The following TP53I11 variants were observed in gnomAD, a reference collection of about 807,000 sequenced individuals.
TP53I11 encodes the protein tumor protein p53-inducible protein 11.
In TP53I11, 9 loss-of-function variants were observed where a neutral mutation model predicts 23.3. The observed-to-expected ratio is 0.39, with a 90% CI of 0.23 to 0.67. The LOEUF (loss-of-function observed/expected upper bound fraction) is 0.67, where lower values mean the gene tolerates loss of function less well. TP53I11 is among the 30% of genes least tolerant of loss of function. The pLI, the probability that TP53I11 is intolerant of heterozygous loss-of-function variation, is 0.48. For missense variants in TP53I11, 170 were observed against 255.2 expected (o/e 0.67, Z 2.27); for synonymous variants, 100 against 106.1 (o/e 0.94, Z 0.35).
intron 3 of TP53I11, 91 bp from the exon 4 acceptor site, chr11:44,937,443 G>C (rs995799481): frequency 6.6e-7 from 1 of 1,507,704 alleles, no homozygotes. Context: ...TTTGGGGAAG[G>C]TAATGAGACA....
chr11:44,943,518 C>T (rs1203926676), intron 1 of TP53I11, among the ~76,000 whole-genome samples: 2 of 152,234 alleles, frequency 1.3e-5, no homozygotes, highest in African/African-American at 2.4e-5. Context: ...CCCACATTCC[C>T]GATCAGCCAG....
rs75542152 is a variant in TP53I11 at position 44,935,665 on chromosome 11, G to A, written c.335-3C>T. 6.6e-3 allele frequency: 10,610 copies of A among 1,608,110 alleles called. 570 individuals are homozygous for A. In the African/African-American group the frequency reaches 0.12, roughly 18 times the overall value. ...GTTCCACATGATCAGGGAGATGCCTGGGGCGGGGGATGAAAAGGGGGCTGG... is the reference window on the plus strand; with the variant it reads ...GTTCCACATGATCAGGGAGATGCCTAGGGCGGGGGATGAAAAGGGGGCTGG... On this transcript the variant is annotated splice_polypyrimidine_tract_variant and splice_region_variant and intron_variant, in intron 5 of 6. Transcript: ENST00000525680.
Position 44,937,536 on chromosome 11 carries a change from A to C in TP53I11, c.188+19T>G. On this transcript the variant is annotated intron_variant, in intron 3 of 6. Coordinates refer to ENST00000525680, the MANE Select transcript of TP53I11 (RefSeq NM_006034.5). ...GCCGCAGGCCTTCCCCTCCCCCAAA[A>C]AGTCAGGTAAATGCTCACCTGAGCC... is the stretch of plus-strand genomic sequence containing the variant. 5 of 1,613,182 alleles carry C rather than the reference A, an allele frequency of 3.1e-6. No homozygotes were observed. Among genetic ancestry groups the C allele is most frequent in the Non-Finnish European group, 4.2e-6 (5 of 1,179,530 alleles).
chr11:44,936,751 G>A lies in TP53I11; in HGVS notation c.334+52C>T. 7.5e-6 allele frequency: 11 copies of A among 1,464,202 alleles called. No individual in the cohort carries two copies. Among genetic ancestry groups the A allele is most frequent in the Non-Finnish European group, 9.9e-6 (11 of 1,106,572 alleles). The allele number at this position is 1,464,202 out of a possible 1,614,324, so 90.7% of individuals were successfully genotyped here. A position where few individuals can be genotyped will look rare whatever the true frequency, so the allele number is the denominator to read the frequency against. Reference sequence around the variant, plus strand: ...CCCCGTGCTCTCCTCAGCCCCGCTGGGTCTCCCAGCTGCCCGTCGCCTCCC... The same window carrying A: ...CCCCGTGCTCTCCTCAGCCCCGCTGAGTCTCCCAGCTGCCCGTCGCCTCCC... On this transcript the variant is annotated intron_variant, in intron 5 of 6. Transcript: ENST00000525680. The surrounding 1 kb of genome is among the most constrained non-coding windows in gnomAD (Gnocchi z 4.4).
intron 1 of TP53I11, among the ~76,000 whole-genome samples, chr11:44,945,504 G>A (rs780922513): frequency 5.9e-5 from 9 of 151,966 alleles, no homozygotes; most frequent in South Asian, 2.1e-4. Context: ...GTGGGGGGGC[G>A]TTTGGTGGAC....
intron 5 of TP53I11, 96 bp from the exon 6 acceptor site, chr11:44,935,758 C>CA: frequency 2.3e-6 from 2 of 854,472 alleles, no homozygotes; most frequent in East Asian, 5.3e-5. Flanking sequence ...GCCACTGCTG[C>CA]AAGACAGCTG....
chr11:44,948,489 G>T (rs979380902), intron 1 of TP53I11, among the ~76,000 whole-genome samples: 1 of 151,942 alleles, frequency 6.6e-6, no homozygotes, highest in Non-Finnish European at 1.5e-5. Flanking sequence ...ATGACAACCC[G>T]GTCCCTGGCC....
rs1337318021 is a variant in TP53I11, at chr11:44,933,622, A to C, written c.*1262T>G. 2 of 154,888 alleles carry C rather than the reference A, an allele frequency of 1.3e-5. No homozygotes were observed. Among genetic ancestry groups the C allele is most frequent in the Non-Finnish European group, 2.9e-5 (2 of 69,788 alleles). The allele number at this position is 154,888 out of a possible 1,614,324, so 9.6% of individuals were successfully genotyped here. On this transcript the variant is annotated 3_prime_UTR_variant, in exon 7 of 7. Transcript: ENST00000525680. Reference sequence around the variant, plus strand: ...GGGAGAAGCTGGGCGGTGGGTATGCAGCACAGGCTGGTGGGCCCTCAGAGG... The same window carrying C: ...GGGAGAAGCTGGGCGGTGGGTATGCCGCACAGGCTGGTGGGCCCTCAGAGG...
At position 44,936,767 on chromosome 11, in the gene TP53I11, G is replaced by A. The variant is rs527304269; in HGVS notation, c.334+36C>T. On this transcript the variant is annotated intron_variant, in intron 5 of 6. Coordinates refer to ENST00000525680, the MANE Select transcript of TP53I11 (RefSeq NM_006034.5). This position sits in a 1 kb window ranked among gnomAD's most constrained non-coding sequence, Gnocchi z 4.4. The stretch of plus-strand genomic sequence containing the variant: ...GCCCCGCTGGGTCTCCCAGCTGCCC[G>A]TCGCCTCCCCCAGGGCCCGCCCCAG... 14 of 1,486,110 alleles carry A rather than the reference G, an allele frequency of 9.4e-6. No individual in the cohort carries two copies. Among genetic ancestry groups the A allele is most frequent in the African/African-American group, 2.9e-5 (2 of 69,840 alleles). The allele number at this position is 1,486,110 out of a possible 1,614,324, so 92.1% of individuals were successfully genotyped here.
chr11:44,944,925 CCT>C (rs760952694), intron 1 of TP53I11, among the ~76,000 whole-genome samples: 18 of 152,226 alleles, frequency 1.2e-4, no homozygotes, highest in Non-Finnish European at 2.2e-4. Context: ...TCCCCAACCC[CCT>C]GTCTCTTTCC....
In TP53I11 at chr11:44,932,596, C is replaced by T. The variant is rs1356468512; in HGVS notation, c.*2288G>A. The T allele has an allele frequency of 6.6e-6, 1 of 152,340 alleles. No individual in the cohort carries two copies. 9.4% of individuals were successfully genotyped at this position (152,340 alleles called of 1,614,324 possible). A position where few individuals can be genotyped will look rare whatever the true frequency, so the allele number is the denominator to read the frequency against. On this transcript the variant is annotated 3_prime_UTR_variant, in exon 7 of 7. Transcript: ENST00000525680. ...TCGCTGGACTTAAGGGCCCCTGTCC[C>T]TCACCCCTCTGCCACTGCCTCCTTC...
intron 3 of TP53I11, 95 bp from the exon 4 acceptor site, chr11:44,937,447 TG>T: frequency 6.6e-7 from 1 of 1,513,954 alleles, no homozygotes; most frequent in Non-Finnish European, 8.9e-7. Flanking sequence ...GGGAAGGTAA[TG>T]AGACAAAATA....
rs915419487 is a variant in TP53I11, at chr11:44,933,958, C to T, written c.*926G>A. ...TTCCTTCTGTTCCTCCTCTCCCAGCCCCACCACTTACAATGGTCTCCATTG... is the reference window on the plus strand; with the variant it reads ...TTCCTTCTGTTCCTCCTCTCCCAGCTCCACCACTTACAATGGTCTCCATTG... On this transcript the variant is annotated 3_prime_UTR_variant, in exon 7 of 7. Coordinates refer to ENST00000525680, the MANE Select transcript of TP53I11 (RefSeq NM_006034.5). 6.6e-6 allele frequency: 1 copy of T among 152,414 alleles called. No homozygotes were observed. Among genetic ancestry groups the T allele is most frequent in the Non-Finnish European group, 1.5e-5 (1 of 68,182 alleles). The allele number at this position is 152,414 out of a possible 1,614,324, so 9.4% of individuals were successfully genotyped here.
intron 2 of TP53I11, among the ~76,000 whole-genome samples, chr11:44,937,878 C>A (rs111459665): frequency 1.1e-3 from 163 of 152,350 alleles, no homozygotes; most frequent in African/African-American, 3.4e-3. Flanking sequence ...CCTGGTCCTG[C>A]CACTTACCGG....
chr11:44,947,058 G>C (rs1323312551), intron 1 of TP53I11: 1 of 456,260 alleles, frequency 2.2e-6, no homozygotes, highest in Non-Finnish European at 4.4e-6. Flanking sequence ...GAGGGCGAGA[G>C]GTCAGGGCAG....
chr11:44,947,543 A>G (rs1051356159), intron 1 of TP53I11, among the ~76,000 whole-genome samples: 1 of 152,234 alleles, frequency 6.6e-6, no homozygotes, highest in Non-Finnish European at 1.5e-5. Flanking sequence ...TTTCTTCAAA[A>G]GCAAGCGGTG....
intron 4 of TP53I11, 109 bp downstream of exon 4, chr11:44,937,195 T>G: frequency 7.3e-7 from 1 of 1,360,574 alleles, no homozygotes; most frequent in Non-Finnish European, 1.0e-6. Flanking sequence ...GCCTGACAGA[T>G]GGGCCCCTGC....
At chr11:44,940,289 C>T (rs900851) in intron 1 of TP53I11, among the ~76,000 whole-genome samples, 117,363 of 152,146 alleles carry the variant, frequency 0.77, 46,279 homozygotes, top group South Asian at 0.86. Flanking sequence ...GCAAAATTGA[C>T]GGGCTTCAGT....
chr11:44,939,775 G>A (rs1219217850), intron 1 of TP53I11, among the ~76,000 whole-genome samples: 1 of 152,224 alleles, frequency 6.6e-6, no homozygotes, highest in African/African-American at 2.4e-5. Context: ...TTTAGTGAGT[G>A]TGATGTCATT....
Sources: allele counts gnomAD v4.1 joint callset (sites outside exome capture counted in the v4.1 genomes callset), GRCh38; gene constraint gnomAD v4.1.1; non-coding constraint Gnocchi (gnomAD v3.1); transcripts MANE v1.5; gene names NCBI Gene and HGNC (gene_info 2026-07-23, HGNC 2026-07-21).